Variants in SNX29 observed in about 807,000 individuals in gnomAD.
SNX29 encodes the protein sorting nexin-29.
In SNX29, 78 loss-of-function variants were observed where a neutral mutation model predicts 102.1. The ratio of observed to expected loss-of-function variants is 0.76; its 90% CI spans 0.64 to 0.92. SNX29 has a LOEUF of 0.92. SNX29 is among the 40% of genes least tolerant of loss of function. The pLI is 0.00. For synonymous variants in SNX29, 580 were observed against 414.5 expected (o/e 1.40, Z -4.85); for missense variants, 1,280 against 1,061.7 (o/e 1.21, Z -2.86).
chr16:12,448,009 AATG>A (rs1240665505), intron 18 of SNX29, among the ~76,000 whole-genome samples: 13 of 152,096 alleles, frequency 8.5e-5, no homozygotes, highest in Non-Finnish European at 1.8e-4. Flanking sequence ...GGGGCTTGGG[AATG>A]ATGATGATGG....
intron 15 of SNX29, among the ~76,000 whole-genome samples, chr16:12,317,808 C>A (rs569484862): frequency 5.9e-5 from 9 of 152,360 alleles, no homozygotes; most frequent in African/African-American, 2.2e-4. Flanking sequence ...GCCTCAGTCT[C>A]TTCATCTGCA....
intron 14 of SNX29, among the ~76,000 whole-genome samples, chr16:12,201,859 G>A (rs746976971): frequency 3.3e-5 from 5 of 152,168 alleles, no homozygotes; most frequent in Non-Finnish European, 7.3e-5. Flanking sequence ...AAACCTCAGC[G>A]CTACACAATG....
intron 16 of SNX29, among the ~76,000 whole-genome samples, chr16:12,380,834 C>A (rs1567503351): frequency 1.3e-5 from 1 of 78,696 alleles, no homozygotes; most frequent in African/African-American, 4.7e-5. Context: ...CATCCACCCA[C>A]CCACCCACCC....
chr16:12,571,669 G>GGCAGA lies in SNX29; in HGVS notation c.*3042_*3046dup. ...AGACGACTCAGGAACGGTAGGGCTG[G>GGCAGA]GCAGAGGTGTCTCTCCTTGAGAGAC... On this transcript the variant is annotated 3_prime_UTR_variant, in exon 21 of 21. Coordinates refer to ENST00000566228, the MANE Select transcript of SNX29 (RefSeq NM_032167.5). 9.4e-7 allele frequency: 1 copy of GGCAGA among 1,059,554 alleles called. No homozygotes were observed. Among genetic ancestry groups the GGCAGA allele is most frequent in the South Asian group, 4.6e-5 (1 of 21,908 alleles). 65.6% of individuals were successfully genotyped at this position (1,059,554 alleles called of 1,614,324 possible).
intron 16 of SNX29, among the ~76,000 whole-genome samples, chr16:12,393,579 T>G (rs2151477784): frequency 1.3e-5 from 2 of 152,220 alleles, no homozygotes; most frequent in South Asian, 4.1e-4. Flanking sequence ...GTGGAGTCAT[T>G]ACAAGCTGAA....
chr16:12,535,627 C>G (rs1041160663), intron 20 of SNX29, among the ~76,000 whole-genome samples: 53 of 152,166 alleles, frequency 3.5e-4, no homozygotes, highest in Non-Finnish European at 6.0e-4. Context: ...GTCACACCAA[C>G]ATGAAGCACT....
intron 13 of SNX29, among the ~76,000 whole-genome samples, chr16:12,158,016 A>C (rs2055626017): frequency 1.3e-5 from 2 of 151,854 alleles, no homozygotes; most frequent in South Asian, 4.2e-4. Context: ...CATCTGGTAT[A>C]AGTTCTCAGG....
intron 19 of SNX29, among the ~76,000 whole-genome samples, chr16:12,514,423 C>G (rs1029367831): frequency 2.0e-5 from 3 of 152,210 alleles, no homozygotes; most frequent in Non-Finnish European, 4.4e-5. Flanking sequence ...TTCTCTCCCA[C>G]TGTCGTAGAG....
chr16:12,072,824 T>G (rs1272968303), intron 10 of SNX29, among the ~76,000 whole-genome samples: 2 of 152,162 alleles, frequency 1.3e-5, no homozygotes, highest in African/African-American at 4.8e-5. Context: ...GGTAAGCTAT[T>G]GATTATTGCC....
chr16:12,061,754 G>T, intron 9 of SNX29, 108 bp downstream of exon 9: 1 of 929,350 alleles, frequency 1.1e-6, no homozygotes, highest in Non-Finnish European at 1.6e-6. Context: ...CGGGAGGCAC[G>T]GGAGTCGGGG....
intron 20 of SNX29, among the ~76,000 whole-genome samples, chr16:12,551,929 C>T (rs1322264770): frequency 6.6e-6 from 1 of 152,210 alleles, no homozygotes; most frequent in Non-Finnish European, 1.5e-5. Flanking sequence ...CACAGAGCCA[C>T]TGTGAGGATC....
chr16:12,207,515 C>T (rs994717185), intron 14 of SNX29, among the ~76,000 whole-genome samples: 16 of 152,294 alleles, frequency 1.1e-4, no homozygotes, highest in African/African-American at 2.2e-4. Flanking sequence ...ATTTCATCTC[C>T]GTTCCCGACC....
At chr16:12,114,423 C>T (rs1274082896) in intron 11 of SNX29, among the ~76,000 whole-genome samples, 1 of 152,140 alleles carries the variant, frequency 6.6e-6, no homozygotes, top group African/African-American at 2.4e-5. Context: ...ACATGATGGT[C>T]TTGAGAATGT....
chr16:12,056,827 C>G (rs1267706836), intron 8 of SNX29, among the ~76,000 whole-genome samples: 1 of 151,630 alleles, frequency 6.6e-6, no homozygotes, highest in Non-Finnish European at 1.5e-5. Context: ...TGTTTTGTTT[C>G]TTTGTTTGTT....
chr16:12,156,012 C>T (rs530538191), intron 13 of SNX29, among the ~76,000 whole-genome samples: 2 of 152,198 alleles, frequency 1.3e-5, no homozygotes, highest in African/African-American at 2.4e-5. Flanking sequence ...GACTCCTCCT[C>T]GTGTTCATCT....
chr16:12,213,617 A>T (rs1169643806), intron 14 of SNX29, among the ~76,000 whole-genome samples: 2 of 152,202 alleles, frequency 1.3e-5, no homozygotes, highest in East Asian at 3.8e-4. Flanking sequence ...CAGGCTGTGG[A>T]AGGTCACAGC....
chr16:12,225,202 T>C (rs890414224), intron 14 of SNX29, among the ~76,000 whole-genome samples: 5 of 152,214 alleles, frequency 3.3e-5, no homozygotes, highest in African/African-American at 1.2e-4. Context: ...TAAAGACAGC[T>C]GAACTCTTAA....
intron 13 of SNX29, among the ~76,000 whole-genome samples, chr16:12,182,548 A>C (rs916091194): frequency 1.3e-5 from 2 of 152,174 alleles, no homozygotes; most frequent in African/African-American, 4.8e-5. Context: ...TTCAGCACTC[A>C]GGGTAGTACT....
At chr16:12,049,207 G>T (rs1448646737) in intron 7 of SNX29, among the ~76,000 whole-genome samples, 1 of 152,220 alleles carries the variant, frequency 6.6e-6, no homozygotes, top group African/African-American at 2.4e-5. Flanking sequence ...AGTTGATTCA[G>T]GCCGGTCGTG....
Sources: gnomAD v4.1 joint callset for allele counts (sites outside exome capture counted in the v4.1 genomes callset) on GRCh38, gnomAD v4.1.1 for gene constraint, MANE v1.5 for transcripts, NCBI Gene and HGNC (gene_info 2026-07-23, HGNC 2026-07-21) for gene names.